CPAP: variants seen among roughly 807,000 people sequenced by gnomAD.
CPAP encodes the protein centrosomal P4.1-associated protein.
the CPAP span, among the ~76,000 whole-genome samples, chr13:24,908,837 A>G: frequency 6.6e-6 from 1 of 152,220 alleles, no homozygotes; most frequent in Non-Finnish European, 1.5e-5. Flanking sequence ...AGGAATTATC[A>G]TTAATTTCTT....
the CPAP span, chr13:24,906,719 TTTTTAAGGATAGG>T: frequency 2.5e-6 from 4 of 1,614,214 alleles, no homozygotes; most frequent in Non-Finnish European, 3.4e-6. Context: ...TTTACTGTCC[TTTTTAAGGATAGG>T]GTTGTCTGCA....
At chr13:24,912,039 G>T in the CPAP span, 2 of 1,613,474 alleles carry the variant, frequency 1.2e-6, no homozygotes, top group African/African-American at 1.3e-5. Flanking sequence ...CTCTTCAATT[G>T]TTCCTGCTTC....
the CPAP span, among the ~76,000 whole-genome samples, chr13:24,927,593 A>C: frequency 3.3e-5 from 5 of 152,252 alleles, no homozygotes; most frequent in Non-Finnish European, 7.3e-5. Flanking sequence ...AAAACAGGAC[A>C]GAGAAAAATT....
the CPAP span, among the ~76,000 whole-genome samples, chr13:24,914,252 C>A: frequency 1.3e-5 from 2 of 152,048 alleles, no homozygotes; most frequent in African/African-American, 2.4e-5. Flanking sequence ...ACCCAGCCAC[C>A]CAGCCTTCCT....
At chr13:24,906,341 C>T in the CPAP span, 8 of 1,611,602 alleles carry the variant, frequency 5.0e-6, no homozygotes, top group African/African-American at 6.7e-5. Flanking sequence ...TTCCTTTTCT[C>T]GTTCCCAAGT....
the CPAP span, chr13:24,903,853 C>A: frequency 1.4e-6 from 2 of 1,419,936 alleles, no homozygotes; most frequent in African/African-American, 2.8e-5. Flanking sequence ...TTGTTTCAGA[C>A]TGTTTATAGA....
chr13:24,894,874 G>T, the CPAP span, among the ~76,000 whole-genome samples: 17 of 152,150 alleles, frequency 1.1e-4, no homozygotes, highest in African/African-American at 3.4e-4. Flanking sequence ...TAGGCTGGGG[G>T]ACTGGTGAGG....
At chr13:24,912,771 A>G in the CPAP span, 1 of 1,614,084 alleles carries the variant, frequency 6.2e-7, no homozygotes, top group African/African-American at 1.3e-5. Flanking sequence ...GTGGTTTGTA[A>G]GGGTTGTTTG....
chr13:24,886,818 T>G, the CPAP span, among the ~76,000 whole-genome samples: 1 of 152,210 alleles, frequency 6.6e-6, no homozygotes, highest in Non-Finnish European at 1.5e-5. Flanking sequence ...CTACTAAGGT[T>G]GTCAACTAAT....
At chr13:24,920,628 T>TC in the CPAP span, among the ~76,000 whole-genome samples, 1 of 150,012 alleles carries the variant, frequency 6.7e-6, no homozygotes, top group Non-Finnish European at 1.5e-5. Context: ...CCTTTTTTTT[T>TC]TTTTTTTTTT....
At chr13:24,918,812 G>T in the CPAP span, among the ~76,000 whole-genome samples, 1 of 152,160 alleles carries the variant, frequency 6.6e-6, no homozygotes, top group Non-Finnish European at 1.5e-5. Context: ...CTTAGGAAGA[G>T]AAAGGGTTGG....
chr13:24,929,707 C>T, the CPAP span, among the ~76,000 whole-genome samples: 3 of 152,080 alleles, frequency 2.0e-5, no homozygotes, highest in East Asian at 5.8e-4. Flanking sequence ...ACTCTTCCTG[C>T]CCTTTTTACC....
chr13:24,915,437 C>T, the CPAP span, among the ~76,000 whole-genome samples: 3 of 152,170 alleles, frequency 2.0e-5, no homozygotes, highest in Non-Finnish European at 2.9e-5. Context: ...TAAATTTGGA[C>T]ATCCTCAGCA....
At chr13:24,884,403 C>T in the CPAP span, 1 of 1,614,064 alleles carries the variant, frequency 6.2e-7, no homozygotes, top group South Asian at 1.1e-5. Flanking sequence ...GCACTCACTT[C>T]CTTTCGAGTT....
the CPAP span, among the ~76,000 whole-genome samples, chr13:24,923,347 A>T: frequency 6.6e-6 from 1 of 151,392 alleles, no homozygotes; most frequent in African/African-American, 2.4e-5. Context: ...TTAGTAAAGG[A>T]GAAAAAGGGC....
the CPAP span, among the ~76,000 whole-genome samples, chr13:24,891,924 T>G: frequency 2.6e-5 from 4 of 152,148 alleles, no homozygotes; most frequent in African/African-American, 9.7e-5. Flanking sequence ...CTCTGCAGGC[T>G]CAGGCGGCCA....
chr13:24,908,233 A>G, the CPAP span: 1 of 741,892 alleles, frequency 1.3e-6, no homozygotes, highest in Non-Finnish European at 2.3e-6. Context: ...AATTAAAAGT[A>G]ATGTATATCA....
At chr13:24,907,942 C>T in the CPAP span, 3 of 1,098,928 alleles carry the variant, frequency 2.7e-6, no homozygotes, top group South Asian at 1.3e-5. Flanking sequence ...ATCTTTCAAA[C>T]AAAGAAAGTG....
At chr13:24,889,551 G>T in the CPAP span, 4 of 647,600 alleles carry the variant, frequency 6.2e-6, no homozygotes, top group Admixed American at 1.1e-4. Context: ...AAGCAAACAA[G>T]CTGTTATCTA....
Sources: allele counts gnomAD v4.1 joint callset (sites outside exome capture counted in the v4.1 genomes callset), GRCh38; gene constraint gnomAD v4.1.1; transcripts MANE v1.5; gene names NCBI Gene and HGNC (gene_info 2026-07-23, HGNC 2026-07-21).